The following FHIT variants were observed in gnomAD, a reference collection of about 807,000 sequenced individuals.
FHIT encodes fragile histidine triad diadenosine triphosphatase, also known as bis(5'-adenosyl)-triphosphatase.
In FHIT, 19 loss-of-function variants were observed where a neutral mutation model predicts 17.9. The ratio of observed to expected loss-of-function variants is 1.06; its 90% CI spans 0.74 to 1.56. The LOEUF (loss-of-function observed/expected upper bound fraction) is 1.56, where lower values mean the gene tolerates loss of function less well. Among genes scored for constraint, FHIT ranks in the 40% most tolerant of loss-of-function variants. The probability of loss-of-function intolerance (pLI) is 0.00; values close to 1 mark genes in which losing one functional copy is unlikely to be tolerated. For synonymous variants in FHIT, 81 were observed against 69.7 expected (o/e 1.16, Z -0.81); for missense variants, 248 against 189.2 (o/e 1.31, Z -1.82).
At chr3:60,105,402 G>C (rs532065428) in intron 5 of FHIT, among the ~76,000 whole-genome samples, 1 of 152,272 alleles carries the variant, frequency 6.6e-6, no homozygotes, top group South Asian at 2.1e-4. Context: ...ACAAAGAACA[G>C]AATGTTTAGT....
intron 3 of FHIT, among the ~76,000 whole-genome samples, chr3:60,859,407 C>G (rs1703522205): frequency 1.3e-5 from 2 of 152,064 alleles, no homozygotes; most frequent in African/African-American, 4.8e-5. Context: ...TAGTATTCAC[C>G]CATGTGCACA....
chr3:59,971,509 C>T (rs1341483278), intron 7 of FHIT, among the ~76,000 whole-genome samples: 4 of 149,912 alleles, frequency 2.7e-5, no homozygotes, highest in African/African-American at 7.3e-5. Flanking sequence ...TCTTTTTTTG[C>T]TAACCTCCCA....
chr3:60,312,373 C>T (rs1284648477), intron 5 of FHIT, among the ~76,000 whole-genome samples: 2 of 152,116 alleles, frequency 1.3e-5, no homozygotes, highest in East Asian at 1.9e-4. Context: ...AACTCCTGAG[C>T]ACAAGTGATC....
chr3:61,120,058 T>C (rs1287295210), intron 2 of FHIT, among the ~76,000 whole-genome samples: 1 of 152,228 alleles, frequency 6.6e-6, no homozygotes, highest in East Asian at 1.9e-4. Flanking sequence ...TTACAAGAGA[T>C]AATTAAATAT....
intron 5 of FHIT, among the ~76,000 whole-genome samples, chr3:60,353,614 T>A (rs1334193277): frequency 6.6e-6 from 1 of 152,128 alleles, no homozygotes; most frequent in Non-Finnish European, 1.5e-5. Context: ...AAAGTGAGAT[T>A]TTTTATTTTT....
chr3:60,690,205 T>A (rs1222849473), intron 4 of FHIT: 3 of 490,022 alleles, frequency 6.1e-6, no homozygotes, highest in South Asian at 3.3e-5. Context: ...GTGGTTAAGA[T>A]AAAACACAAG....
At chr3:60,467,499 C>G (rs2032863648) in intron 5 of FHIT, among the ~76,000 whole-genome samples, 1 of 151,960 alleles carries the variant, frequency 6.6e-6, no homozygotes, top group Non-Finnish European at 1.5e-5. Flanking sequence ...CACCATATCT[C>G]ATAGGTTTTG....
intron 4 of FHIT, among the ~76,000 whole-genome samples, chr3:60,545,406 A>C (rs2036327535): frequency 6.6e-6 from 1 of 151,554 alleles, no homozygotes; most frequent in African/African-American, 2.4e-5. Context: ...GTTTCTTTGG[A>C]TTTACTATGT....
chr3:60,554,247 A>G (rs2036667261), intron 4 of FHIT, among the ~76,000 whole-genome samples: 1 of 152,016 alleles, frequency 6.6e-6, no homozygotes, highest in Non-Finnish European at 1.5e-5. Flanking sequence ...CGGTTAAAAA[A>G]AAAAAAAGAA....
At chr3:60,963,240 G>A (rs529004272) in intron 3 of FHIT, among the ~76,000 whole-genome samples, 3 of 151,992 alleles carry the variant, frequency 2.0e-5, no homozygotes, top group South Asian at 2.1e-4. Flanking sequence ...GTATTCTCTG[G>A]TGGTAGTTTA....
At chr3:60,300,178 A>T (rs1708392829) in intron 5 of FHIT, among the ~76,000 whole-genome samples, 1 of 152,064 alleles carries the variant, frequency 6.6e-6, no homozygotes. Context: ...AATATTCAGG[A>T]TTTTTTACTT....
At chr3:60,938,373 C>T (rs1040729103) in intron 3 of FHIT, among the ~76,000 whole-genome samples, 2 of 152,208 alleles carry the variant, frequency 1.3e-5, no homozygotes, top group Non-Finnish European at 2.9e-5. Flanking sequence ...GCTTCAGCCC[C>T]CTTGGCCTTG....
chr3:59,880,763 G>C (rs1703375030), intron 8 of FHIT, among the ~76,000 whole-genome samples: 1 of 152,178 alleles, frequency 6.6e-6, no homozygotes, highest in Non-Finnish European at 1.5e-5. Context: ...AGGTAATTCA[G>C]ACATAAAGTG....
chr3:59,882,234 C>T (rs1703437883), intron 8 of FHIT, among the ~76,000 whole-genome samples: 1 of 151,896 alleles, frequency 6.6e-6, no homozygotes, highest in Admixed American at 6.6e-5. Flanking sequence ...ATATGGAAAA[C>T]AAAACATTTA....
Position 60,540,765 on chromosome 3 carries a change from A to G in FHIT, c.-17-3786T>C, listed in dbSNP as rs77688148. Among the ~76,000 whole-genome samples, 384 of 152,328 alleles carry G rather than the reference A, an allele frequency of 2.5e-3. 8 individuals carry two copies. The East Asian group carries it at 0.06, about 24-fold the overall frequency. ...GAGAGCTGTGCAAATGTCACTTACT[A>G]TGGACACACCCACATAGCCAGAACT... On this transcript the variant is annotated intron_variant, in intron 4 of 9. Transcript: ENST00000492590.
intron 5 of FHIT, among the ~76,000 whole-genome samples, chr3:60,473,738 G>A (rs1380358306): frequency 6.6e-6 from 1 of 152,082 alleles, no homozygotes; most frequent in Non-Finnish European, 1.5e-5. Flanking sequence ...GGGCAACACA[G>A]TGAAACCCCG....
At chr3:60,844,393 C>T (rs1702849762) in intron 3 of FHIT, among the ~76,000 whole-genome samples, 1 of 152,072 alleles carries the variant, frequency 6.6e-6, no homozygotes, top group South Asian at 2.1e-4. Flanking sequence ...AGGAAAAAAC[C>T]CTACACACAT....
In FHIT at chr3:60,536,900, C is replaced by T. The variant is rs184603342; in HGVS notation, c.63G>A (p.Leu21=). ...KPSVVFLKTE[L]SFALVNRKPV... ...GTTTCCTATTCACAAGAGCGAAGGA[C>T]AGTTCTGTTTTGAGAAACACTACAG... The change falls in exon 5 of 10, where the codon CTG becomes CTA. Residue 21 remains leucine, a synonymous_variant. Coordinates refer to ENST00000492590, the MANE Select transcript of FHIT (RefSeq NM_002012.4). 7 of 1,612,604 alleles carry T rather than the reference C, an allele frequency of 4.3e-6. No homozygotes were observed. Among genetic ancestry groups the T allele is most frequent in the Non-Finnish European group, 5.9e-6 (7 of 1,179,504 alleles).
intron 4 of FHIT, among the ~76,000 whole-genome samples, chr3:60,660,067 T>G (rs1423926561): frequency 6.6e-6 from 1 of 152,112 alleles, no homozygotes; most frequent in Non-Finnish European, 1.5e-5. Flanking sequence ...TAATTTCCCA[T>G]GTATATGTGG....
Sources: allele counts gnomAD v4.1 joint callset (sites outside exome capture counted in the v4.1 genomes callset), GRCh38; gene constraint gnomAD v4.1.1; transcripts MANE v1.5; gene names NCBI Gene and HGNC (gene_info 2026-07-23, HGNC 2026-07-21).